Variants in MAPK8IP3 observed in about 807,000 individuals in gnomAD.
MAPK8IP3 encodes the protein C-Jun-amino-terminal kinase-interacting protein 3.
MAPK8IP3 carries 49 observed loss-of-function variants against 157.8 expected under a neutral mutation model. The ratio of observed to expected loss-of-function variants is 0.31; its 90% confidence interval spans 0.25 to 0.39. MAPK8IP3 has a LOEUF of 0.39. MAPK8IP3 is among the 10% of genes least tolerant of loss of function. The pLI is 1.00. For missense variants in MAPK8IP3, 1,478 were observed against 1,889.4 expected (o/e 0.78, Z 4.04); for synonymous variants, 897 against 777.7 (o/e 1.15, Z -2.55).
At chr16:1,735,029 T>G (rs573090842) in intron 4 of MAPK8IP3, 1 of 154,328 alleles carries the variant, frequency 6.5e-6, no homozygotes, top group Non-Finnish European at 1.5e-5. Context: ...TCTTGAGACA[T>G]TCGCGCAGTG....
intron 2 of MAPK8IP3, among the ~76,000 whole-genome samples, chr16:1,726,647 G>T (rs2038897250): frequency 6.6e-6 from 1 of 152,208 alleles, no homozygotes; most frequent in African/African-American, 2.4e-5. Flanking sequence ...CTGCACCCCA[G>T]CCTGGGTGAC....
intron 5 of MAPK8IP3, 198 bp from the exon 6 acceptor site, chr16:1,746,831 C>T (rs2040991304): frequency 8.0e-6 from 5 of 628,282 alleles, no homozygotes; most frequent in African/African-American, 3.7e-5. Flanking sequence ...AGTCAGTGGC[C>T]GGATAAGCAG....
chr16:1,747,305 C>G (rs748471250), intron 6 of MAPK8IP3, 30 bp downstream of exon 6: 9 of 1,604,708 alleles, frequency 5.6e-6, no homozygotes, highest in Non-Finnish European at 7.7e-6. Context: ...ACTCTGGGCT[C>G]CCTCGGGCAG....
At position 1,758,149 on chromosome 16, in the gene MAPK8IP3, G is replaced by A. The variant is rs774435754; in HGVS notation, c.1218G>A (p.Gly406=). The change falls in exon 9 of 32, where the codon GGG becomes GGA. Residue 406 remains glycine, a splice_region_variant and synonymous_variant. Transcript: ENST00000610761. Reference sequence around the variant, plus strand: ...TCTGTGCGTCGCTGGACTCGCCAGGGGAGTTCTCAGGTGAGTATCTCACTC... The same window carrying A: ...TCTGTGCGTCGCTGGACTCGCCAGGAGAGTTCTCAGGTGAGTATCTCACTC... ...GDVDEGADLL[G]EFSVRDDFFG... is the part of the protein sequence containing the mutation. 3 of 1,613,570 alleles carry A rather than the reference G, an allele frequency of 1.9e-6. No homozygotes were observed. The highest frequency in any genetic ancestry group is 2.2e-5 in the East Asian group (1 of 44,890).
At chr16:1,722,714 CT>C (rs1033046679) in intron 1 of MAPK8IP3, among the ~76,000 whole-genome samples, 1 of 150,922 alleles carries the variant, frequency 6.6e-6, no homozygotes, top group Non-Finnish European at 1.5e-5. Context: ...AAAAAAAAAT[CT>C]TTTTTTTGAG....
At position 1,741,982 on chromosome 16, in the gene MAPK8IP3, G is replaced by A. The variant is rs983945335; in HGVS notation, c.603-1350G>A. Among the ~76,000 whole-genome samples the A allele has an allele frequency of 3.3e-5, 5 of 152,250 alleles. No individual in the cohort carries two copies. Among genetic ancestry groups the A allele is most frequent in the African/African-American group, 9.6e-5 (4 of 41,548 alleles). On this transcript the variant is annotated intron_variant, in intron 4 of 31. Transcript: ENST00000610761. This position sits in a 1 kb window ranked among gnomAD's most constrained non-coding sequence, Gnocchi z 6.9. ...GCGGCGGCTGCTGCGTTCCCCTGTC[G>A]CCGTCTGCATCCTCCAGGCATGGCC...
chr16:1,768,051 C>T lies in MAPK8IP3; in HGVS notation c.3524-18C>T. The T allele has an allele frequency of 1.9e-6, 3 of 1,612,350 alleles. No homozygotes were observed. Among genetic ancestry groups the T allele is most frequent in the Non-Finnish European group, 2.5e-6 (3 of 1,179,958 alleles). ...CTGACCGCTCTCCTCTTCTCCCATG[C>T]TCCTCCCATGTCCCCAGCTGTGGTC... On this transcript the variant is annotated intron_variant, in intron 28 of 31. Transcript: ENST00000610761.
Position 1,706,595 on chromosome 16 carries a change from G to A in MAPK8IP3, c.256G>A (p.Asp86Asn). The A allele has an allele frequency of 6.2e-7, 1 of 1,606,758 alleles. No homozygotes were observed. Among genetic ancestry groups the A allele is most frequent in the Non-Finnish European group, 8.5e-7 (1 of 1,176,822 alleles). Residue 86 changes from aspartate (D) to asparagine (N), a missense_variant, in exon 1 of 32, where the codon GAC becomes AAC. Physicochemically the swap from Asp to Asn is conservative, Grantham distance 23. This residue lies in a region of MAPK8IP3 where 65 missense variants were observed against 161.8 expected (regional missense o/e 0.40). Coordinates refer to ENST00000610761, the MANE Select transcript of MAPK8IP3 (RefSeq NM_001318852.2). This position sits in a 1 kb window ranked among gnomAD's most constrained non-coding sequence, Gnocchi z 5.1. ...GGTGGAGCTGGAGCTGCTGCGCGAG[G>A]ACAACGAGCAGCTGCTCACCCAGTA... is the stretch of plus-strand genomic sequence containing the variant. ...HEVELELLRE[D>N]NEQLLTQYER...
rs1040754200 is a variant in MAPK8IP3 at position 1,766,946 on chromosome 16, C to G, written c.3063C>G (p.Thr1021=). Residue 1021 remains threonine, a synonymous_variant, in exon 25 of 32, where the codon ACC becomes ACG. Coordinates refer to ENST00000610761, the MANE Select transcript of MAPK8IP3 (RefSeq NM_001318852.2). Reference sequence around the variant, plus strand: ...TGCTGGTGGCTCTGGCGGACGGGACCCTGGCCATCTTCCACCGTGGTGAAG... The same window carrying G: ...TGCTGGTGGCTCTGGCGGACGGGACGCTGGCCATCTTCCACCGTGGTGAAG... ...GRVLVALADG[T]LAIFHRGEDG... 34 of 1,592,946 alleles carry G rather than the reference C, an allele frequency of 2.1e-5. No individual in the cohort carries two copies. Among genetic ancestry groups the G allele is most frequent in the Non-Finnish European group, 2.7e-5 (32 of 1,167,518 alleles).
intron 7 of MAPK8IP3, 56 bp from the exon 8 acceptor site, chr16:1,748,546 C>T (rs538663433): frequency 1.4e-6 from 2 of 1,427,050 alleles, no homozygotes; most frequent in Non-Finnish European, 2.0e-6. Flanking sequence ...GCAGACGCAG[C>T]CACTCCGGGC....
chr16:1,724,009 G>T lies in MAPK8IP3; in HGVS notation c.319-548G>T, dbSNP rs2038705063. On this transcript the variant is annotated intron_variant, in intron 1 of 31. Coordinates refer to ENST00000610761, the MANE Select transcript of MAPK8IP3 (RefSeq NM_001318852.2). This position sits in a 1 kb window ranked among gnomAD's most constrained non-coding sequence, Gnocchi z 4.1. ...CCCAGTAACGATGGTGTCCTGAGCT[G>T]AGCTGCAACTGACATGCAGAAAAGT... 6.6e-6 allele frequency among the ~76,000 whole-genome samples: 1 copy of T among 152,180 alleles called. No homozygotes were observed.
chr16:1,727,624 G>A lies in MAPK8IP3; in HGVS notation c.440-1514G>A, dbSNP rs551477735. ...TGCTGTGTCTAAGTCGTGCATGTGA[G>A]GTGCTGTATCTGAGTCACGCGTGTC... On this transcript the variant is annotated intron_variant, in intron 2 of 31. Transcript: ENST00000610761. Among the ~76,000 whole-genome samples the A allele has an allele frequency of 7.2e-5, 11 of 152,208 alleles. No individual in the cohort carries two copies. In the South Asian group the frequency reaches 1.2e-3, roughly 17 times the overall value.
At position 1,743,060 on chromosome 16, in the gene MAPK8IP3, A is replaced by C. The variant is rs1407387260; in HGVS notation, c.603-272A>C. Among the ~76,000 whole-genome samples, 1 of 152,092 alleles carries C rather than the reference A, an allele frequency of 6.6e-6. No individual in the cohort carries two copies. The highest frequency in any genetic ancestry group is 1.5e-5 in the Non-Finnish European group (1 of 68,024). On this transcript the variant is annotated intron_variant, in intron 4 of 31. Transcript: ENST00000610761. This position sits in a 1 kb window ranked among gnomAD's most constrained non-coding sequence, Gnocchi z 5.6. ...CAGTGAGCCAAGTTCGTGCCACTGC[A>C]CTCCAGCCTGGGTGACAGAGCGAGA...
Position 1,724,725 on chromosome 16 carries a change from T to C in MAPK8IP3, c.439+48T>C. On this transcript the variant is annotated intron_variant, in intron 2 of 31. Transcript: ENST00000610761. This position sits in a 1 kb window ranked among gnomAD's most constrained non-coding sequence, Gnocchi z 4.1. The stretch of plus-strand genomic sequence containing the variant: ...GAGGCGCGCTTGATGGGCGCTGCTC[T>C]GGGACGGCTCTGGTTGGGGTGGGCA... 5.0e-6 allele frequency: 8 copies of C among 1,592,446 alleles called. No individual in the cohort carries two copies. Among genetic ancestry groups the C allele is most frequent in the Non-Finnish European group, 6.0e-6 (7 of 1,166,748 alleles).
At chr16:1,735,554 A>AGTCC (rs527531822) in intron 4 of MAPK8IP3, among the ~76,000 whole-genome samples, 29 of 98,562 alleles carry the variant, frequency 2.9e-4, no homozygotes, top group Admixed American at 2.0e-3. Flanking sequence ...TCCGTGTGAG[A>AGTCC]GTGTGACCGT....
In MAPK8IP3 at chr16:1,767,728, G is replaced by A. The variant is rs1327352083; in HGVS notation, c.3402G>A (p.Lys1134=). ...QDVDIEPYVS[K]MLGTGKLGFS... is the part of the protein sequence containing the mutation. ...TGGACATTGAGCCCTACGTCAGCAA[G>A]ATGCTAGGTGAGGGGCCACGCCAGA... is the stretch of plus-strand genomic sequence containing the variant. Residue 1134 remains lysine, a synonymous_variant, in exon 27 of 32, where the codon AAG becomes AAA. Coordinates refer to ENST00000610761, the MANE Select transcript of MAPK8IP3 (RefSeq NM_001318852.2). The A allele has an allele frequency of 3.1e-6, 5 of 1,612,530 alleles. No homozygotes were observed. The African/African-American group carries it at 6.7e-5, about 22-fold the overall frequency.
chr16:1,729,023 A>G (rs2039106830), intron 2 of MAPK8IP3, 115 bp from the exon 3 acceptor site: 7 of 985,612 alleles, frequency 7.1e-6, no homozygotes, highest in East Asian at 2.4e-5. Flanking sequence ...TGGTTGCCTC[A>G]GGACCCAGAG....
At chr16:1,737,891 C>T (rs1467617700) in intron 4 of MAPK8IP3, among the ~76,000 whole-genome samples, 1 of 55,216 alleles carries the variant, frequency 1.8e-5, no homozygotes, top group Non-Finnish European at 3.2e-5. Flanking sequence ...TGTGAGCATC[C>T]GTGTGAGCGT....
At position 1,761,269 on chromosome 16, in the gene MAPK8IP3, G is replaced by A. The variant is rs776810164; in HGVS notation, c.1503G>A (p.Glu501=). 2.5e-6 allele frequency: 4 copies of A among 1,613,798 alleles called. No homozygotes were observed. The South Asian group carries it at 4.4e-5, about 18-fold the overall frequency. Residue 501 remains glutamate (E), a synonymous_variant, in exon 13 of 32, where the codon GAG becomes GAA. Transcript: ENST00000610761. ...AIIARREPKE[E]AEDVSSYLCT... ...TCGCCCGCCGTGAACCCAAAGAAGA[G>A]GCGGAGGATGTAAGCAGCTATCTCT...
Sources: allele counts gnomAD v4.1 joint callset (sites outside exome capture counted in the v4.1 genomes callset), GRCh38; gene constraint gnomAD v4.1.1; regional missense constraint gnomAD v4.1.1; non-coding constraint Gnocchi (gnomAD v3.1); transcripts MANE v1.5; gene names NCBI Gene and HGNC (gene_info 2026-07-23, HGNC 2026-07-21).